FHIT: variants seen among roughly 807,000 people sequenced by gnomAD.
The protein encoded by FHIT is fragile histidine triad diadenosine triphosphatase, also known as bis(5'-adenosyl)-triphosphatase.
A neutral mutation model predicts 17.9 loss-of-function variants in FHIT; 19 were observed. That is an observed-to-expected ratio of 1.06 (90% CI 0.74 to 1.56). FHIT has a LOEUF of 1.56. Ranked by LOEUF, FHIT falls within the 40% of genes most tolerant of loss-of-function variation. The probability of loss-of-function intolerance (pLI) is 0.00; values close to 1 mark genes in which losing one functional copy is unlikely to be tolerated. For missense variants in FHIT, 248 were observed against 189.2 expected (o/e 1.31, Z -1.82); for synonymous variants, 81 against 69.7 (o/e 1.16, Z -0.81).
In FHIT at chr3:61,007,351, G is replaced by A. The variant is rs185622936; in HGVS notation, c.-111+34696C>T. On this transcript the variant is annotated intron_variant, in intron 3 of 9. Coordinates refer to ENST00000492590, the MANE Select transcript of FHIT (RefSeq NM_002012.4). ...TGAGAGTGTAATCGTTTTTTCATCT[G>A]CCATGTTTAATTACCTTTACAGGCA... Among the ~76,000 whole-genome samples, 468 of 152,186 alleles carry A rather than the reference G, an allele frequency of 3.1e-3. 2 individuals carry two copies. Among genetic ancestry groups the A allele is most frequent in the African/African-American group, 0.01 (425 of 41,542 alleles).
chr3:60,322,106 G>T (rs1479986484), intron 5 of FHIT, among the ~76,000 whole-genome samples: 1 of 152,134 alleles, frequency 6.6e-6, no homozygotes. Flanking sequence ...CATTTGTCCA[G>T]GTACAGCCCA....
intron 5 of FHIT, among the ~76,000 whole-genome samples, chr3:60,050,402 T>C (rs1160894160): frequency 1.3e-5 from 2 of 152,184 alleles, no homozygotes; most frequent in Non-Finnish European, 2.9e-5. Flanking sequence ...TCGCCTTCCA[T>C]ATTTGGATCT....
intron 2 of FHIT, among the ~76,000 whole-genome samples, chr3:61,070,738 T>C (rs1206774314): frequency 6.6e-6 from 1 of 152,208 alleles, no homozygotes; most frequent in Non-Finnish European, 1.5e-5. Flanking sequence ...ACTAATTTTC[T>C]TTGACATGCT....
chr3:60,451,456 A>T (rs1192367128), intron 5 of FHIT, among the ~76,000 whole-genome samples: 1 of 152,140 alleles, frequency 6.6e-6, no homozygotes, highest in Non-Finnish European at 1.5e-5. Flanking sequence ...TCTTTGACAT[A>T]TTTAACTGTT....
intron 3 of FHIT, among the ~76,000 whole-genome samples, chr3:60,953,608 C>A (rs1708986989): frequency 6.6e-6 from 1 of 152,136 alleles, no homozygotes. Flanking sequence ...CTAAATTTAG[C>A]TCCTGTTGTG....
At chr3:60,981,437 T>G (rs1710490827) in intron 3 of FHIT, among the ~76,000 whole-genome samples, 1 of 151,860 alleles carries the variant, frequency 6.6e-6, no homozygotes, top group African/African-American at 2.4e-5. Context: ...CCCGAGTAGC[T>G]GGGACTACAG....
chr3:60,044,634 C>A (rs1203074440), intron 5 of FHIT, among the ~76,000 whole-genome samples: 1 of 152,122 alleles, frequency 6.6e-6, no homozygotes, highest in Non-Finnish European at 1.5e-5. Flanking sequence ...AACTCAAGAG[C>A]TCATATGATA....
intron 7 of FHIT, among the ~76,000 whole-genome samples, chr3:59,972,876 A>T (rs1277613554): frequency 1.3e-5 from 2 of 152,030 alleles, no homozygotes; most frequent in Non-Finnish European, 2.9e-5. Flanking sequence ...TAGTGCTTTC[A>T]TCAAATTGAT....
At chr3:60,226,127 G>A (rs1704188137) in intron 5 of FHIT, among the ~76,000 whole-genome samples, 1 of 152,092 alleles carries the variant, frequency 6.6e-6, no homozygotes, top group Non-Finnish European at 1.5e-5. Context: ...AGGTCCCAGT[G>A]GTGAAGAAGG....
intron 3 of FHIT, among the ~76,000 whole-genome samples, chr3:61,039,358 G>C (rs189074192): frequency 6.6e-6 from 1 of 151,990 alleles, no homozygotes; most frequent in South Asian, 2.1e-4. Context: ...ATCCTTACTG[G>C]GAGATCTACT....
At chr3:60,989,576 A>C (rs1214846809) in intron 3 of FHIT, among the ~76,000 whole-genome samples, 1 of 152,194 alleles carries the variant, frequency 6.6e-6, no homozygotes, top group Admixed American at 6.5e-5. Context: ...TGTCAACTGA[A>C]GTTAGAAAGG....
intron 5 of FHIT, among the ~76,000 whole-genome samples, chr3:60,033,082 A>C (rs1232806819): frequency 1.3e-5 from 2 of 152,210 alleles, no homozygotes; most frequent in East Asian, 3.9e-4. Flanking sequence ...AACAAATAAT[A>C]ACCTAATATA....
intron 4 of FHIT, among the ~76,000 whole-genome samples, chr3:60,641,172 C>T (rs1171009834): frequency 2.6e-5 from 4 of 151,932 alleles, no homozygotes; most frequent in East Asian, 1.9e-4. Context: ...AGGAGTGAAA[C>T]TCTGTCTCAA....
chr3:60,247,284 G>A (rs1002482757), intron 5 of FHIT, among the ~76,000 whole-genome samples: 1 of 152,090 alleles, frequency 6.6e-6, no homozygotes, highest in African/African-American at 2.4e-5. Context: ...AGCTACTTGG[G>A]AATCTGAGGC....
At chr3:60,856,632 AT>A (rs782030678) in intron 3 of FHIT, 6 of 151,992 alleles carry the variant, frequency 3.9e-5, no homozygotes, top group Non-Finnish European at 7.4e-5. Context: ...AGATCCAAAT[AT>A]TTCCTGTTCC....
At chr3:59,862,250 G>A (rs1702439029) in intron 8 of FHIT, among the ~76,000 whole-genome samples, 1 of 152,204 alleles carries the variant, frequency 6.6e-6, no homozygotes, top group Non-Finnish European at 1.5e-5. Context: ...AAGAGGCCAT[G>A]CGCAGGGGAG....
intron 3 of FHIT, among the ~76,000 whole-genome samples, chr3:60,833,974 C>A (rs1702428480): frequency 6.6e-6 from 1 of 152,036 alleles, no homozygotes; most frequent in East Asian, 1.9e-4. Context: ...ATTAATAATT[C>A]ATTGCTGAGT....
At chr3:60,402,655 C>A (rs1387208156) in intron 5 of FHIT, among the ~76,000 whole-genome samples, 1 of 152,138 alleles carries the variant, frequency 6.6e-6, no homozygotes, top group Admixed American at 6.5e-5. Flanking sequence ...AGTTTCAGAG[C>A]AGAAAGCCTG....
chr3:60,935,474 T>C (rs1301513555), intron 3 of FHIT, among the ~76,000 whole-genome samples: 1 of 152,212 alleles, frequency 6.6e-6, no homozygotes, highest in African/African-American at 2.4e-5. Flanking sequence ...TTATCCAGGA[T>C]ACAGGACTGG....
Sources: gnomAD v4.1 joint callset for allele counts (sites outside exome capture counted in the v4.1 genomes callset) on GRCh38, gnomAD v4.1.1 for gene constraint, MANE v1.5 for transcripts, NCBI Gene and HGNC (gene_info 2026-07-23, HGNC 2026-07-21) for gene names.